The following COL4A5 variants were observed in gnomAD, a reference collection of about 807,000 sequenced individuals.
COL4A5 encodes the protein collagen alpha-5(IV) chain.
COL4A5 carries 26 observed loss-of-function variants against 130.2 expected under a neutral mutation model. The ratio of observed to expected loss-of-function variants is 0.20; its 90% confidence interval spans 0.15 to 0.28. The LOEUF is 0.28. Among genes scored for constraint, COL4A5 ranks in the 10% least tolerant of loss-of-function variants. COL4A5 has a pLI of 1.00. For synonymous variants in COL4A5, 496 were observed against 439.6 expected, an observed-to-expected ratio of 1.13 and a Z score of -1.60; for missense variants, 1,131 against 1,344.3, an observed-to-expected ratio of 0.84 and a Z score of 2.48.
chrX:108,671,039 G>C (rs2068195183), intron 42 of COL4A5, among the ~76,000 whole-genome samples: 1 of 106,725 alleles, frequency 9.4e-6, no homozygotes, highest in African/African-American at 3.4e-5. Context: ...TAGGCACAGA[G>C]AAAAAAAAAA....
At chrX:108,541,317 T>A (rs2065536115) in intron 2 of COL4A5, among the ~76,000 whole-genome samples, 1 of 112,142 alleles carries the variant, frequency 8.9e-6, no homozygotes, top group South Asian at 3.7e-4. Flanking sequence ...AGTAGAGTGA[T>A]GTTTATCAGA....
Position 108,665,559 on chromosome X carries a change from C to T in COL4A5, c.3426C>T (p.Pro1142=), listed in dbSNP as rs780896516. ...GTATTAGTGGCCCTCCTGGGAACCC[C>T]GGCCTTCCAGGAGAACCTGGTCCTG... is the stretch of plus-strand genomic sequence containing the variant. ...PKGISGPPGN[P]GLPGEPGPVG... The change falls in exon 38 of 53, where the codon CCC becomes CCT. Residue 1142 remains proline, a synonymous_variant. Transcript: ENST00000328300. 41 of 1,205,729 alleles carry T rather than the reference C, an allele frequency of 3.4e-5. No homozygotes were observed. In the Admixed American group the frequency reaches 6.1e-4, roughly 18 times the overall value.
intron 36 of COL4A5, among the ~76,000 whole-genome samples, chrX:108,649,925 C>A (rs1041376705): frequency 1.8e-5 from 2 of 111,228 alleles, no homozygotes; most frequent in Non-Finnish European, 3.8e-5. Context: ...ATTAAACTAA[C>A]GAGCTTTTGC....
chrX:108,600,762 G>A, intron 25 of COL4A5, among the ~76,000 whole-genome samples: 1 of 110,833 alleles, frequency 9.0e-6, no homozygotes, highest in Non-Finnish European at 1.9e-5. Flanking sequence ...TAGGCCACCT[G>A]TAAGTTGAAG....
chrX:108,667,449 A>G (rs1420854937), intron 40 of COL4A5, among the ~76,000 whole-genome samples: 1 of 111,517 alleles, frequency 9.0e-6, no homozygotes, highest in African/African-American at 3.3e-5. Context: ...ATAAGAAAGA[A>G]GGCAAAATTG....
At chrX:108,566,155 A>T (rs763403287) in intron 4 of COL4A5, among the ~76,000 whole-genome samples, 6 of 110,689 alleles carry the variant, frequency 5.4e-5, no homozygotes, top group Non-Finnish European at 1.1e-4. Flanking sequence ...TCTATTAATC[A>T]TTCATTTATT....
chrX:108,548,401 C>T (rs1228270527), intron 2 of COL4A5, among the ~76,000 whole-genome samples: 1 of 111,126 alleles, frequency 9.0e-6, no homozygotes, highest in Non-Finnish European at 1.9e-5. Flanking sequence ...GAAGAAACAA[C>T]TGAATCTGAA....
At chrX:108,506,194 G>C (rs112920115) in intron 1 of COL4A5, among the ~76,000 whole-genome samples, 1 of 110,690 alleles carries the variant, frequency 9.0e-6, no homozygotes, top group African/African-American at 3.3e-5. Flanking sequence ...TACATTCCTT[G>C]CCTCAAATTT....
rs777215586 is a variant in COL4A5, at chrX:108,625,854, C to CT, written c.3106+67dup. 34 of 865,454 alleles carry CT rather than the reference C, an allele frequency of 3.9e-5. No homozygotes were observed. In the East Asian group the frequency reaches 4.7e-4, roughly 12 times the overall value. The allele number at this position is 865,454 out of a possible 1,213,427, so 71.3% of individuals were successfully genotyped here. A position where few individuals can be genotyped will look rare whatever the true frequency, so the allele number is the denominator to read the frequency against. ...ATTAATGAAAGGTGGTTCAATATCT[C>CT]TTTTTTTGTCAGAAAAGAGGCTGGT... On this transcript the variant is annotated intron_variant, in intron 35 of 52. Coordinates refer to ENST00000328300, the MANE Select transcript of COL4A5 (RefSeq NM_033380.3).
intron 1 of COL4A5, among the ~76,000 whole-genome samples, chrX:108,494,179 A>C (rs1303922744): frequency 9.0e-6 from 1 of 111,664 alleles, no homozygotes; most frequent in African/African-American, 3.2e-5. Flanking sequence ...TTGCAGGTCC[A>C]AACAGATCTA....
At chrX:108,571,135 C>A (rs1472141894) in intron 6 of COL4A5, among the ~76,000 whole-genome samples, 4 of 111,627 alleles carry the variant, frequency 3.6e-5, no homozygotes. Flanking sequence ...GAATTTATGG[C>A]GTGATCGTCT....
Position 108,687,386 on chromosome X carries a change from T to C in COL4A5, c.4316-96T>C, listed in dbSNP as rs746937708. The C allele has an allele frequency of 9.6e-6, 7 of 730,743 alleles. No individual in the cohort carries two copies. The South Asian group carries it at 1.3e-4, about 14-fold the overall frequency. The allele number at this position is 730,743 out of a possible 1,213,427, so 60.2% of individuals were successfully genotyped here. A position where few individuals can be genotyped will look rare whatever the true frequency, so the allele number is the denominator to read the frequency against. On this transcript the variant is annotated intron_variant, in intron 48 of 52. Transcript: ENST00000328300. ...AGACACTCTATAAATATCAAATAAA[T>C]TAACTAGTCAAATGAGGTCATAATG...
Position 108,488,689 on chromosome X carries a change from A to G in COL4A5, c.81+48483A>G, listed in dbSNP as rs1166937532. Among the ~76,000 whole-genome samples, 10 of 112,272 alleles carry G rather than the reference A, an allele frequency of 8.9e-5. No homozygotes were observed. In the East Asian group the frequency reaches 2.5e-3, roughly 28 times the overall value. On this transcript the variant is annotated intron_variant, in intron 1 of 52. Coordinates refer to ENST00000328300, the MANE Select transcript of COL4A5 (RefSeq NM_033380.3). The stretch of plus-strand genomic sequence containing the variant: ...TGAATAAGGTTGAGCACCTTTTCAT[A>G]TATTTAAGATCCTGTGATATTTATA...
chrX:108,577,893 C>T (rs2066179396), intron 10 of COL4A5, 59 bp from the exon 11 acceptor site: 1 of 961,382 alleles, frequency 1.0e-6, no homozygotes, highest in South Asian at 2.3e-5. Flanking sequence ...AACTAAATAA[C>T]TTTTAAAATT....
intron 1 of COL4A5, among the ~76,000 whole-genome samples, chrX:108,487,025 GTTCTTTAAGAAATCTCCACAGTGTTT>G (rs909590249): frequency 8.9e-6 from 1 of 112,090 alleles, no homozygotes; most frequent in Non-Finnish European, 1.9e-5. Flanking sequence ...TCTACTTTTA[GTTCTTTAAGAAATCTCCACAGTGTTT>G]TCCATAGTGG....
intron 1 of COL4A5, among the ~76,000 whole-genome samples, chrX:108,447,344 G>A (rs2064464166): frequency 9.0e-6 from 1 of 111,191 alleles, no homozygotes; most frequent in Non-Finnish European, 1.9e-5. Context: ...TAGTACATAC[G>A]GAATGTGAGG....
intron 37 of COL4A5, among the ~76,000 whole-genome samples, chrX:108,664,949 C>T (rs1414844070): frequency 1.8e-5 from 2 of 111,919 alleles, no homozygotes; most frequent in African/African-American, 6.5e-5. Flanking sequence ...ATTGGAATTT[C>T]CACACATTGT....
chrX:108,691,491 T>C (rs2068639181), intron 49 of COL4A5, among the ~76,000 whole-genome samples: 1 of 110,995 alleles, frequency 9.0e-6, no homozygotes, highest in Non-Finnish European at 1.9e-5. Context: ...TTGTAATAAT[T>C]ATATAAAAAT....
intron 36 of COL4A5, among the ~76,000 whole-genome samples, chrX:108,647,314 T>G (rs916675225): frequency 9.0e-6 from 1 of 111,489 alleles, no homozygotes; most frequent in Non-Finnish European, 1.9e-5. Context: ...GTAAGTTGGA[T>G]TCCTAGGTAT....
Sources: allele counts gnomAD v4.1 joint callset (sites outside exome capture counted in the v4.1 genomes callset), GRCh38; gene constraint gnomAD v4.1.1; transcripts MANE v1.5; gene names NCBI Gene and HGNC (gene_info 2026-07-23, HGNC 2026-07-21).